The following SDCCAG8 variants were observed in gnomAD, a reference collection of about 807,000 sequenced individuals.
SDCCAG8 encodes the protein SHH signaling and ciliogenesis regulator SDCCAG8.
In SDCCAG8, 74 loss-of-function variants were observed where a neutral mutation model predicts 101.8. The ratio of observed to expected loss-of-function variants is 0.73; its 90% CI spans 0.60 to 0.88. The LOEUF (loss-of-function observed/expected upper bound fraction) is 0.88. Ranked by LOEUF, SDCCAG8 falls within the 40% of genes least tolerant of loss-of-function variation. The probability of loss-of-function intolerance (pLI) is 0.00; values close to 1 mark genes in which losing one functional copy is unlikely to be tolerated. For synonymous variants in SDCCAG8, 281 were observed against 292.9 expected (o/e 0.96, Z 0.41); for missense variants, 787 against 822.6 (o/e 0.96, Z 0.53).
chr1:243,415,902 A>G, intron 14 of SDCCAG8, 73 bp downstream of exon 14: 1 of 1,570,540 alleles, frequency 6.4e-7, no homozygotes, highest in Non-Finnish European at 8.7e-7. Context: ...GTGAAATGAC[A>G]TCAGGAACAC....
At chr1:243,327,996 G>A (rs1408155760) in intron 9 of SDCCAG8, among the ~76,000 whole-genome samples, 3 of 151,998 alleles carry the variant, frequency 2.0e-5, no homozygotes, top group Non-Finnish European at 2.9e-5. Context: ...TCCGCCTCCC[G>A]GGTTCACGCC....
chr1:243,459,897 G>T (rs1387135337), intron 16 of SDCCAG8, among the ~76,000 whole-genome samples: 1 of 152,178 alleles, frequency 6.6e-6, no homozygotes, highest in Non-Finnish European at 1.5e-5. Flanking sequence ...GTTTGCACGT[G>T]CTTCTGAGTA....
rs140431137 is a variant in SDCCAG8 at position 243,477,742 on chromosome 1, G to A, written c.1986-11272G>A. On this transcript the variant is annotated intron_variant, in intron 16 of 17. Coordinates refer to ENST00000366541, the MANE Select transcript of SDCCAG8 (RefSeq NM_006642.5). ...GCTGAAAGTGTCCCCTTGGCCATGG[G>A]CCCATTCACTGGGGGCCAGTGTGGC... Among the ~76,000 whole-genome samples, 32 of 152,354 alleles carry A rather than the reference G, an allele frequency of 2.1e-4. No individual in the cohort carries two copies. In the East Asian group the frequency reaches 6.0e-3, roughly 29 times the overall value.
At chr1:243,342,212 T>G (rs2075417271) in intron 11 of SDCCAG8, among the ~76,000 whole-genome samples, 1 of 152,188 alleles carries the variant, frequency 6.6e-6, no homozygotes, top group South Asian at 2.1e-4. Flanking sequence ...GTGAAAGCTA[T>G]GATAAGACAG....
At chr1:243,390,523 G>A (rs962474848) in intron 13 of SDCCAG8, among the ~76,000 whole-genome samples, 6 of 152,210 alleles carry the variant, frequency 3.9e-5, no homozygotes, top group African/African-American at 1.4e-4. Context: ...AGGTTCGAAA[G>A]TCAGGCAGTG....
intron 9 of SDCCAG8, among the ~76,000 whole-genome samples, chr1:243,326,967 G>A (rs2074190142): frequency 1.3e-5 from 2 of 151,952 alleles, no homozygotes; most frequent in South Asian, 4.1e-4. Context: ...AACTGTGTTT[G>A]AAAAAAAGTG....
intron 13 of SDCCAG8, among the ~76,000 whole-genome samples, chr1:243,405,760 G>A (rs1441055485): frequency 1.3e-5 from 2 of 151,610 alleles, no homozygotes; most frequent in African/African-American, 4.8e-5. Context: ...GATAAATAAT[G>A]CATGCATTAC....
At chr1:243,366,885 C>T (rs2077018362) in intron 12 of SDCCAG8, among the ~76,000 whole-genome samples, 1 of 151,774 alleles carries the variant, frequency 6.6e-6, no homozygotes, top group Admixed American at 6.6e-5. Context: ...CCATCTGGAT[C>T]ATATATATAT....
intron 9 of SDCCAG8, among the ~76,000 whole-genome samples, chr1:243,326,004 T>G (rs1345371453): frequency 6.6e-6 from 1 of 152,138 alleles, no homozygotes; most frequent in Admixed American, 6.5e-5. Flanking sequence ...TAGGCCTGCC[T>G]GCTTGTGTTG....
At chr1:243,379,783 A>G (rs944272822) in intron 13 of SDCCAG8, among the ~76,000 whole-genome samples, 3 of 152,216 alleles carry the variant, frequency 2.0e-5, no homozygotes, top group African/African-American at 7.2e-5. Flanking sequence ...TATAAATTAG[A>G]AAAACATTGG....
intron 13 of SDCCAG8, among the ~76,000 whole-genome samples, chr1:243,411,456 T>C (rs2080171777): frequency 6.6e-6 from 1 of 152,168 alleles, no homozygotes; most frequent in Non-Finnish European, 1.5e-5. Flanking sequence ...TTAAATATAA[T>C]AAAATATCAC....
At position 243,270,137 on chromosome 1, in the gene SDCCAG8, T is replaced by A. The variant is rs1572871828; in HGVS notation, c.100T>A (p.Cys34Ser). ...HASRSIHQLT[C>S]ALKEGDVTIG... ...CAGCAGAAGCATTCACCAACTGACA[T>A]GTGCCCTGAAAGAAGGCGATGTCAC... The change falls in exon 2 of 18, where the codon TGT (cysteine) becomes AGT (serine). Residue 34 changes from cysteine (C) to serine (S), a missense_variant. By Grantham distance (112) the Cys-to-Ser change is moderately radical. Transcript: ENST00000366541. 6.2e-7 allele frequency: 1 copy of A among 1,614,104 alleles called. No homozygotes were observed. Among genetic ancestry groups the A allele is most frequent in the South Asian group, 1.1e-5 (1 of 91,090 alleles).
chr1:243,425,277 C>A (rs2081267522), intron 15 of SDCCAG8, among the ~76,000 whole-genome samples: 1 of 152,074 alleles, frequency 6.6e-6, no homozygotes, highest in Non-Finnish European at 1.5e-5. Flanking sequence ...AACGTGCTGA[C>A]ATATTGAGAA....
intron 16 of SDCCAG8, among the ~76,000 whole-genome samples, chr1:243,431,461 T>C (rs547127922): frequency 6.6e-6 from 1 of 152,026 alleles, no homozygotes; most frequent in Non-Finnish European, 1.5e-5. Context: ...AAGAAGCTGG[T>C]TTGGGGTTGA....
At chr1:243,333,950 C>T (rs1176940438) in intron 10 of SDCCAG8, among the ~76,000 whole-genome samples, 1 of 152,122 alleles carries the variant, frequency 6.6e-6, no homozygotes, top group Non-Finnish European at 1.5e-5. Flanking sequence ...AGCTTCAAGA[C>T]TAAAGCTATT....
intron 6 of SDCCAG8, among the ~76,000 whole-genome samples, chr1:243,300,731 G>T (rs1417445407): frequency 4.6e-5 from 7 of 152,030 alleles, no homozygotes; most frequent in Admixed American, 1.3e-4. Flanking sequence ...CCTCTGTGAG[G>T]CCTTCTTTAC....
chr1:243,481,305 C>T (rs1342473568), intron 16 of SDCCAG8, among the ~76,000 whole-genome samples: 3 of 152,100 alleles, frequency 2.0e-5, no homozygotes, highest in East Asian at 1.9e-4. Context: ...AGTGATGAGT[C>T]GCACTGTGGG....
chr1:243,264,520 A>C (rs1357400148), intron 1 of SDCCAG8, among the ~76,000 whole-genome samples: 1 of 152,200 alleles, frequency 6.6e-6, no homozygotes, highest in Non-Finnish European at 1.5e-5. Context: ...AGGCTGAGGC[A>C]GGAGAATTGC....
At chr1:243,322,566 G>C (rs907947301) in intron 9 of SDCCAG8, among the ~76,000 whole-genome samples, 1 of 152,056 alleles carries the variant, frequency 6.6e-6, no homozygotes, top group Non-Finnish European at 1.5e-5. Flanking sequence ...CAAAATCTCT[G>C]GTGTTACGGA....
Sources: allele counts gnomAD v4.1 joint callset (sites outside exome capture counted in the v4.1 genomes callset), GRCh38; gene constraint gnomAD v4.1.1; transcripts MANE v1.5; gene names NCBI Gene and HGNC (gene_info 2026-07-23, HGNC 2026-07-21).